SENP7: variants seen among roughly 807,000 people sequenced by gnomAD.
The protein encoded by SENP7 is SUMO specific peptidase 7.
SENP7 carries 64 observed loss-of-function variants against 141.2 expected under a neutral mutation model. That is an observed-to-expected ratio of 0.45 (90% CI 0.37 to 0.56). SENP7 has a LOEUF of 0.56. SENP7 is among the 20% of genes least tolerant of loss of function. The pLI is 0.00. For synonymous variants in SENP7, 382 were observed against 426.4 expected (o/e 0.90, Z 1.28); for missense variants, 1,025 against 1,212.2 (o/e 0.85, Z 2.29).
chr3:101,379,779 A>G (rs747667355), intron 6 of SENP7, among the ~76,000 whole-genome samples: 1 of 152,200 alleles, frequency 6.6e-6, no homozygotes, highest in Non-Finnish European at 1.5e-5. Flanking sequence ...TTCCTCAAAA[A>G]GCTAAAAATA....
At position 101,395,250 on chromosome 3, in the gene SENP7, T is replaced by C. The variant is rs76844267; in HGVS notation, c.677+3611A>G. 2.7e-3 allele frequency among the ~76,000 whole-genome samples: 419 copies of C among 152,372 alleles called. 1 individual carries two copies. The highest frequency in any genetic ancestry group is 9.7e-3 in the African/African-American group (402 of 41,578). Reference sequence around the variant, plus strand: ...CCAATGTCCACAAGCATGTCCCCTATGTTTTCTTCCAGCAGTTTTATAGTT... The same window carrying C: ...CCAATGTCCACAAGCATGTCCCCTACGTTTTCTTCCAGCAGTTTTATAGTT... On this transcript the variant is annotated intron_variant, in intron 6 of 23. Transcript: ENST00000394095.
chr3:101,334,560 T>C (rs1033435836), intron 17 of SENP7, among the ~76,000 whole-genome samples: 8 of 152,176 alleles, frequency 5.3e-5, no homozygotes, highest in African/African-American at 1.9e-4. Context: ...GGATCCAGAA[T>C]GAGCTAAAAG....
intron 17 of SENP7, among the ~76,000 whole-genome samples, chr3:101,333,963 G>A (rs1477943206): frequency 1.3e-5 from 2 of 152,154 alleles, no homozygotes; most frequent in Non-Finnish European, 2.9e-5. Flanking sequence ...CAGACCGTCA[G>A]GCATTAGTTA....
rs1361572831 is a variant in SENP7, at chr3:101,417,767, T to C, written c.308A>G (p.Asn103Ser). 31 of 1,613,736 alleles carry C rather than the reference T, an allele frequency of 1.9e-5. No homozygotes were observed. Among genetic ancestry groups the C allele is most frequent in the Non-Finnish European group, 2.5e-5 (30 of 1,179,740 alleles). Residue 103 changes from asparagine to serine, a missense_variant, in exon 5 of 24, where the codon AAT becomes AGT. By Grantham distance (46) the Asn-to-Ser change is conservative. Around this residue, in one of 4 missense-constraint regions of SENP7, gnomAD observed 496 missense variants for 503.5 expected, o/e 0.99. Coordinates refer to ENST00000394095, the MANE Select transcript of SENP7 (RefSeq NM_020654.5). ...PERQLKVMLT[N>S]VLWTDLGRKF... The stretch of plus-strand genomic sequence containing the variant: ...TCGTCCTAAATCCGTCCATAGGACA[T>C]TCGTCAACATAACTTTGAGTTGCCT...
intron 11 of SENP7, among the ~76,000 whole-genome samples, chr3:101,353,608 T>C (rs184550801): frequency 2.0e-5 from 3 of 152,162 alleles, no homozygotes; most frequent in African/African-American, 7.2e-5. Context: ...ATAAAGCTAA[T>C]AATAAGAGCT....
intron 3 of SENP7, among the ~76,000 whole-genome samples, chr3:101,475,556 G>C (rs908757259): frequency 2.6e-5 from 4 of 152,118 alleles, no homozygotes; most frequent in Non-Finnish European, 4.4e-5. Context: ...GGGGGACGAA[G>C]GGAAAAAGAA....
intron 4 of SENP7, among the ~76,000 whole-genome samples, chr3:101,438,554 T>C (rs1356808589): frequency 6.6e-6 from 1 of 152,170 alleles, no homozygotes; most frequent in Non-Finnish European, 1.5e-5. Flanking sequence ...TTAAAAATGA[T>C]TAAGATGATA....
chr3:101,448,082 C>A (rs1329642345), intron 4 of SENP7, among the ~76,000 whole-genome samples: 1 of 151,924 alleles, frequency 6.6e-6, no homozygotes, highest in Non-Finnish European at 1.5e-5. Flanking sequence ...CATTCCATAC[C>A]CAAAAATTAA....
chr3:101,333,445 G>T (rs965539993), intron 17 of SENP7, among the ~76,000 whole-genome samples: 1 of 152,140 alleles, frequency 6.6e-6, no homozygotes, highest in Non-Finnish European at 1.5e-5. Flanking sequence ...CTACTTGGGG[G>T]ATTGCTTAAT....
chr3:101,511,177 T>C (rs1174819889), intron 1 of SENP7, among the ~76,000 whole-genome samples: 1 of 152,158 alleles, frequency 6.6e-6, no homozygotes, highest in South Asian at 2.1e-4. Context: ...TCTAGAGATA[T>C]AACTAACGTA....
At chr3:101,513,049 G>A (rs748632573) in intron 1 of SENP7, 42 bp downstream of exon 1, 6 of 1,605,410 alleles carry the variant, frequency 3.7e-6, no homozygotes, top group Non-Finnish European at 5.1e-6. Flanking sequence ...TTTCCCCCGG[G>A]TAGGAGACAA....
intron 5 of SENP7, among the ~76,000 whole-genome samples, 182 bp downstream of exon 5, chr3:101,417,411 A>G (rs2061656634): frequency 6.6e-6 from 1 of 152,190 alleles, no homozygotes. Context: ...TTAATGAAGT[A>G]CAGAAACATC....
At chr3:101,361,212 G>GC (rs1211310028) in intron 11 of SENP7, among the ~76,000 whole-genome samples, 3,107 of 121,158 alleles carry the variant, frequency 0.026, 114 homozygotes, top group African/African-American at 0.082. Flanking sequence ...GACTCTGTCC[G>GC]CCCCCCCAAA....
chr3:101,390,327 AGACATACATTGACCG>A (rs1425794494), intron 6 of SENP7, among the ~76,000 whole-genome samples: 1 of 146,386 alleles, frequency 6.8e-6, no homozygotes, highest in African/African-American at 2.5e-5. Flanking sequence ...TCACCAATAA[AGACATACATTGACCG>A]AAAAAAAAAA....
chr3:101,328,045 A>G (rs1471244274), intron 22 of SENP7, among the ~76,000 whole-genome samples: 2 of 152,184 alleles, frequency 1.3e-5, no homozygotes, highest in Non-Finnish European at 2.9e-5. Flanking sequence ...TCAACAACTC[A>G]ACTTTCATAA....
intron 4 of SENP7, among the ~76,000 whole-genome samples, chr3:101,426,287 A>G (rs1042026950): frequency 5.3e-5 from 8 of 152,258 alleles, no homozygotes; most frequent in African/African-American, 1.9e-4. Context: ...AATCAAAGAA[A>G]AAATGTTACA....
In SENP7 at chr3:101,391,967, C is replaced by T. The variant is rs576912585; in HGVS notation, c.677+6894G>A. On this transcript the variant is annotated intron_variant, in intron 6 of 23. Coordinates refer to ENST00000394095, the MANE Select transcript of SENP7 (RefSeq NM_020654.5). ...CTCATATTAGAACGAAGGGCAAAAA[C>T]CATGTGATCACCTCAACAGATGCAA... 2.0e-5 allele frequency among the ~76,000 whole-genome samples: 3 copies of T among 152,194 alleles called. No individual in the cohort carries two copies. The East Asian group carries it at 5.8e-4, about 29-fold the overall frequency.
Position 101,416,999 on chromosome 3 carries a change from C to G in SENP7, c.482+594G>C, listed in dbSNP as rs534550917. Reference sequence around the variant, plus strand: ...CCTAGAGCTAATTCCTAGTTTTCAGCCCCAAACTCCCATATAATTCTTTCA... The same window carrying G: ...CCTAGAGCTAATTCCTAGTTTTCAGGCCCAAACTCCCATATAATTCTTTCA... On this transcript the variant is annotated intron_variant, in intron 5 of 23. Coordinates refer to ENST00000394095, the MANE Select transcript of SENP7 (RefSeq NM_020654.5). Among the ~76,000 whole-genome samples the G allele has an allele frequency of 1.1e-4, 16 of 152,200 alleles. 1 individual carries two copies. In the South Asian group the frequency reaches 3.3e-3, roughly 32 times the overall value.
chr3:101,493,217 C>G (rs2065031307), intron 3 of SENP7, among the ~76,000 whole-genome samples: 1 of 152,096 alleles, frequency 6.6e-6, no homozygotes, highest in Non-Finnish European at 1.5e-5. Context: ...ATAGAGGGAA[C>G]AACACACACT....
Sources: allele counts gnomAD v4.1 joint callset (sites outside exome capture counted in the v4.1 genomes callset), GRCh38; gene constraint gnomAD v4.1.1; regional missense constraint gnomAD v4.1.1; transcripts MANE v1.5; gene names NCBI Gene and HGNC (gene_info 2026-07-23, HGNC 2026-07-21).